Variants in NCKAP5 observed in about 807,000 individuals in gnomAD.
NCKAP5 encodes nck-associated protein 5.
A neutral mutation model predicts 167.0 loss-of-function variants in NCKAP5; 92 were observed. The ratio of observed to expected loss-of-function variants is 0.55; its 90% confidence interval spans 0.47 to 0.66. The LOEUF is 0.66. Ranked by LOEUF, NCKAP5 falls within the 30% of genes least tolerant of loss-of-function variation. The pLI, the probability that NCKAP5 is intolerant of heterozygous loss-of-function variation, is 0.00. For synonymous variants in NCKAP5, 891 were observed against 877.4 expected (o/e 1.02, Z -0.27); for missense variants, 2,378 against 2,315.0 (o/e 1.03, Z -0.56).
chr2:133,591,134 C>T, the NCKAP5 span, among the ~76,000 whole-genome samples: 3 of 152,066 alleles, frequency 2.0e-5, no homozygotes, highest in African/African-American at 4.8e-5. Flanking sequence ...CCAGTGAGTG[C>T]GGGGAGAGGG....
At chr2:132,854,283 C>T (rs549753141) in intron 11 of NCKAP5, among the ~76,000 whole-genome samples, 1 of 151,820 alleles carries the variant, frequency 6.6e-6, no homozygotes, top group Admixed American at 6.6e-5. Flanking sequence ...GGGTCTTGTT[C>T]AAAGAAAAAA....
the NCKAP5 span, among the ~76,000 whole-genome samples, chr2:133,671,738 C>CACA: frequency 0.19 from 28,462 of 151,530 alleles, 3,116 homozygotes; most frequent in East Asian, 0.36. Context: ...TTCTGGTATA[C>CACA]ACAACAACAA....
chr2:132,964,716 T>G (rs1573571105), intron 7 of NCKAP5, among the ~76,000 whole-genome samples: 1 of 152,208 alleles, frequency 6.6e-6, no homozygotes, highest in East Asian at 1.9e-4. Context: ...AAATCTTTGC[T>G]TTAATGTAGC....
At chr2:133,465,043 A>G (rs1575001833) in intron 3 of NCKAP5, among the ~76,000 whole-genome samples, 3 of 151,614 alleles carry the variant, frequency 2.0e-5, no homozygotes, top group Admixed American at 6.6e-5. Context: ...GTTTTAGGGT[A>G]CATGTGCACA....
At chr2:132,966,554 C>G (rs1479612230) in intron 7 of NCKAP5, among the ~76,000 whole-genome samples, 1 of 152,126 alleles carries the variant, frequency 6.6e-6, no homozygotes, top group Non-Finnish European at 1.5e-5. Context: ...GAACAGTACA[C>G]CAACTTAGGA....
At chr2:133,553,095 A>C (rs1046045804) in intron 2 of NCKAP5, among the ~76,000 whole-genome samples, 5 of 152,240 alleles carry the variant, frequency 3.3e-5, no homozygotes, top group Non-Finnish European at 1.5e-5. Flanking sequence ...ACAAAAATAC[A>C]CACAAAAACC....
At chr2:132,868,051 A>G (rs150973000) in intron 10 of NCKAP5, among the ~76,000 whole-genome samples, 26 of 152,342 alleles carry the variant, frequency 1.7e-4, no homozygotes, top group Admixed American at 5.2e-4. Context: ...CATGAGCAGC[A>G]GTCAACCCCT....
chr2:133,552,675 G>A (rs1197728254), intron 2 of NCKAP5, among the ~76,000 whole-genome samples: 3 of 145,076 alleles, frequency 2.1e-5, no homozygotes, highest in Non-Finnish European at 4.5e-5. Flanking sequence ...CAGTGCACCA[G>A]CATGGCACAT....
intron 8 of NCKAP5, among the ~76,000 whole-genome samples, chr2:132,889,310 G>C (rs114353601): frequency 1.3e-5 from 2 of 152,330 alleles, no homozygotes; most frequent in African/African-American, 4.8e-5. Flanking sequence ...TGTTGAGATA[G>C]TTGGTTACAT....
chr2:133,359,925 G>T (rs1200236690), intron 3 of NCKAP5, among the ~76,000 whole-genome samples: 1 of 152,156 alleles, frequency 6.6e-6, no homozygotes, highest in Non-Finnish European at 1.5e-5. Flanking sequence ...TTTGGAGGTG[G>T]AAACTGAGGG....
At position 133,237,193 on chromosome 2, in the gene NCKAP5, A is replaced by G. The variant is rs142921540; in HGVS notation, c.144-23414T>C. 2.2e-3 allele frequency among the ~76,000 whole-genome samples: 334 copies of G among 152,296 alleles called. 3 individuals carry two copies. The highest frequency in any genetic ancestry group is 7.7e-3 in the African/African-American group (318 of 41,566). On this transcript the variant is annotated intron_variant, in intron 4 of 19. Transcript: ENST00000409261. ...TTTTAAAAAAAAGCTGTACTTTGATACCTTGATTAATTATGACAAATTATT... is the reference window on the plus strand; with the variant it reads ...TTTTAAAAAAAAGCTGTACTTTGATGCCTTGATTAATTATGACAAATTATT...
Position 132,962,613 on chromosome 2 carries a change from G to GT in NCKAP5, c.579+1106dup, listed in dbSNP as rs199957259. Among the ~76,000 whole-genome samples the GT allele has an allele frequency of 6.3e-3, 939 of 150,050 alleles. 4 individuals are homozygous for GT. The highest frequency in any genetic ancestry group is 0.011 in the Non-Finnish European group (707 of 67,274). On this transcript the variant is annotated intron_variant, in intron 8 of 19. Transcript: ENST00000409261. ...TGTTTTTTTGTTTGTTTGTTTGTTT[G>GT]TTTTTTTGAGTCTGTCACCCAGGCT...
intron 8 of NCKAP5, among the ~76,000 whole-genome samples, chr2:132,920,002 C>T (rs1448848474): frequency 6.6e-6 from 1 of 152,170 alleles, no homozygotes; most frequent in African/African-American, 2.4e-5. Flanking sequence ...ATGTGCATTG[C>T]TGGAGCCAAT....
intron 1 of NCKAP5, among the ~76,000 whole-genome samples, chr2:133,559,958 AAT>A (rs1467074435): frequency 6.6e-6 from 1 of 152,222 alleles, no homozygotes; most frequent in African/African-American, 2.4e-5. Context: ...TGTCTTCATC[AAT>A]AAGAAGATAA....
Position 132,833,890 on chromosome 2 carries a change from C to T in NCKAP5, c.807+26602G>A, listed in dbSNP as rs191697413. Reference sequence around the variant, plus strand: ...TGTTAGGAATGTTTCTCTAATTCTGCGAAACAGTGACATTGGCATTTTGAT... The same window carrying T: ...TGTTAGGAATGTTTCTCTAATTCTGTGAAACAGTGACATTGGCATTTTGAT... On this transcript the variant is annotated intron_variant, in intron 11 of 19. Coordinates refer to ENST00000409261, the MANE Select transcript of NCKAP5 (RefSeq NM_207363.3). 7.2e-5 allele frequency among the ~76,000 whole-genome samples: 11 copies of T among 152,098 alleles called. No homozygotes were observed. In the East Asian group the frequency reaches 1.2e-3, roughly 16 times the overall value.
At chr2:133,546,999 G>T (rs1008121107) in intron 2 of NCKAP5, among the ~76,000 whole-genome samples, 3 of 152,154 alleles carry the variant, frequency 2.0e-5, no homozygotes, top group African/African-American at 7.2e-5. Flanking sequence ...GCCAGACAGT[G>T]GGCGCAGGCC....
At chr2:133,510,943 A>G (rs1683434606) in intron 3 of NCKAP5, among the ~76,000 whole-genome samples, 1 of 152,216 alleles carries the variant, frequency 6.6e-6, no homozygotes, top group Non-Finnish European at 1.5e-5. Flanking sequence ...ATTAAATGGT[A>G]GTTTCCATAT....
chr2:133,427,214 C>G (rs1207683907), intron 3 of NCKAP5, among the ~76,000 whole-genome samples: 1 of 152,284 alleles, frequency 6.6e-6, no homozygotes, highest in East Asian at 1.9e-4. Context: ...AAGCATACAA[C>G]ATAAAGACTA....
chr2:132,687,985 TG>T (rs1686188918), intron 19 of NCKAP5, among the ~76,000 whole-genome samples: 1 of 152,200 alleles, frequency 6.6e-6, no homozygotes, highest in Non-Finnish European at 1.5e-5. Flanking sequence ...TTCAGTCACT[TG>T]GGAATGGCAA....
Sources: gnomAD v4.1 joint callset for allele counts (sites outside exome capture counted in the v4.1 genomes callset) on GRCh38, gnomAD v4.1.1 for gene constraint, MANE v1.5 for transcripts, NCBI Gene and HGNC (gene_info 2026-07-23, HGNC 2026-07-21) for gene names.